The following PALM2AKAP2 variants were observed in gnomAD, a reference collection of about 807,000 sequenced individuals.
PALM2AKAP2 encodes the protein PALM2-AKAP2 fusion protein.
A neutral mutation model predicts 71.5 loss-of-function variants in PALM2AKAP2; 37 were observed. The ratio of observed to expected loss-of-function variants is 0.52; its 90% CI spans 0.40 to 0.68. The LOEUF is 0.68. Among genes scored for constraint, PALM2AKAP2 ranks in the 30% least tolerant of loss-of-function variants. The pLI, the probability that PALM2AKAP2 is intolerant of heterozygous loss-of-function variation, is 0.00. For missense variants in PALM2AKAP2, 1,224 were observed against 1,191.8 expected, an observed-to-expected ratio of 1.03 and a Z score of -0.40; for synonymous variants, 468 against 478.8, an observed-to-expected ratio of 0.98 and a Z score of 0.29.
chr9:109,709,595 G>T (rs987189073), intron 1 of PALM2AKAP2, among the ~76,000 whole-genome samples: 6 of 152,152 alleles, frequency 3.9e-5, no homozygotes, highest in African/African-American at 1.4e-4. Context: ...ACTTCACCAG[G>T]CTCTACTCCT....
intron 3 of PALM2AKAP2, among the ~76,000 whole-genome samples, chr9:110,164,528 CTTTT>C (rs35588802): frequency 0.2 from 25,923 of 129,196 alleles, 2,490 homozygotes; most frequent in African/African-American, 0.33. Context: ...ATTTAGTTTA[CTTTT>C]TTTTTTTTTT....
chr9:109,775,291 C>T (rs1331769895), upstream of PALM2AKAP2, among the ~76,000 whole-genome samples: 5 of 152,212 alleles, frequency 3.3e-5, no homozygotes, highest in Non-Finnish European at 5.9e-5. Context: ...TCCAATTGCT[C>T]ATTTTCAATC....
In PALM2AKAP2 at chr9:109,676,178, A is replaced by G. The variant is rs1051862370; in HGVS notation, c.5+35312A>G. 2.6e-5 allele frequency among the ~76,000 whole-genome samples: 4 copies of G among 152,180 alleles called. No homozygotes were observed. In the East Asian group the frequency reaches 7.7e-4, roughly 29 times the overall value. ...TAAAGAGGTAGAGCAAGAGTTCCTC[A>G]CTTCCTCACGCTCTGCTCCTTCATC... On this transcript the variant is annotated intron_variant, in intron 1 of 6. Transcript: ENST00000374531.
rs12238226 is a variant in PALM2AKAP2, at chr9:109,656,474, G to C, written c.5+15608G>C. Reference sequence around the variant, plus strand: ...CTAGGTCCCTTCCAGAGTTTTCAGGGGCTCCAAGTGAGGGGCCGTGGCTCT... The same window carrying C: ...CTAGGTCCCTTCCAGAGTTTTCAGGCGCTCCAAGTGAGGGGCCGTGGCTCT... On this transcript the variant is annotated intron_variant, in intron 1 of 6. Coordinates refer to the PALM2AKAP2 transcript ENST00000374531. Among the ~76,000 whole-genome samples, 1,375 of 152,320 alleles carry C rather than the reference G, an allele frequency of 9.0e-3. 59 individuals are homozygous for C. The East Asian group carries it at 0.11, about 12-fold the overall frequency.
intron 1 of PALM2AKAP2, among the ~76,000 whole-genome samples, chr9:109,770,929 A>C (rs7031682): frequency 0.84 from 127,547 of 152,272 alleles, 54,011 homozygotes; most frequent in African/African-American, 0.96. Context: ...ATACTATTGT[A>C]TTTCCCATTT....
chr9:109,640,952 G>T, intron 1 of PALM2AKAP2: 2 of 1,435,762 alleles, frequency 1.4e-6, no homozygotes, highest in South Asian at 1.4e-5. Context: ...TCCCGCTCGG[G>T]TCCGCGTCCA....
Position 110,094,663 on chromosome 9 carries a change from CGGGGCG to C in PALM2AKAP2, c.157-41459_157-41454del, listed in dbSNP as rs1296851356. On this transcript the variant is annotated intron_variant, in intron 1 of 3. Transcript: ENST00000374525. ...GAACTCTATTATCGGAATAGCACCA[CGGGGCG>C]GGGGGGCGGGTAATCTGCCCCCATG... Among the ~76,000 whole-genome samples the C allele has an allele frequency of 2.3e-4, 6 of 25,852 alleles. No homozygotes were observed. In the East Asian group the frequency reaches 4.8e-3, roughly 21 times the overall value. 17.0% of individuals were successfully genotyped at this position (25,852 alleles called of 152,430 possible).
intron 1 of PALM2AKAP2, among the ~76,000 whole-genome samples, chr9:109,729,400 A>G (rs1372219199): frequency 6.6e-6 from 1 of 152,236 alleles, no homozygotes; most frequent in Non-Finnish European, 1.5e-5. Context: ...TGGCCAGTAT[A>G]GCCAAAGGCA....
At chr9:109,845,913 A>G (rs1182318950) in intron 1 of PALM2AKAP2, among the ~76,000 whole-genome samples, 1 of 152,240 alleles carries the variant, frequency 6.6e-6, no homozygotes. Context: ...CATAAAGGAT[A>G]TAGAGCAGGA....
intron 6 of PALM2AKAP2, among the ~76,000 whole-genome samples, chr9:110,005,466 G>T (rs1344807259): frequency 2.6e-5 from 4 of 152,186 alleles, no homozygotes; most frequent in Non-Finnish European, 4.4e-5. Context: ...TAGGCTACTC[G>T]GGGGTCAGGG....
At chr9:109,641,287 C>T (rs1827065452) in intron 1 of PALM2AKAP2, among the ~76,000 whole-genome samples, 1 of 152,180 alleles carries the variant, frequency 6.6e-6, no homozygotes, top group South Asian at 2.1e-4. Context: ...CGGAAGCAAA[C>T]GCGGTTCAGT....
intron 6 of PALM2AKAP2, among the ~76,000 whole-genome samples, chr9:110,000,926 T>G (rs145802547): frequency 0.018 from 2,814 of 152,326 alleles, 97 homozygotes; most frequent in African/African-American, 0.064. Flanking sequence ...CTTCATCAGA[T>G]GAGTAGATTG....
chr9:109,890,406 G>A (rs1830060574), intron 3 of PALM2AKAP2, among the ~76,000 whole-genome samples: 1 of 152,186 alleles, frequency 6.6e-6, no homozygotes, highest in South Asian at 2.1e-4. Flanking sequence ...AGGTCTAGGC[G>A]TGGAGCCCTC....
intron 1 of PALM2AKAP2, among the ~76,000 whole-genome samples, chr9:109,672,243 C>T (rs570317128): frequency 8.5e-5 from 13 of 152,284 alleles, no homozygotes; most frequent in African/African-American, 3.1e-4. Flanking sequence ...GTGGGTTTGT[C>T]ATAGATGGCT....
At chr9:109,952,872 GTGT>G (rs1831670934) in intron 6 of PALM2AKAP2, among the ~76,000 whole-genome samples, 1 of 152,176 alleles carries the variant, frequency 6.6e-6, no homozygotes. Context: ...TTCATCCCTA[GTGT>G]TGTTGTGAAG....
intron 1 of PALM2AKAP2, among the ~76,000 whole-genome samples, chr9:109,721,237 C>T (rs187397964): frequency 1.0e-3 from 158 of 152,290 alleles, no homozygotes; most frequent in African/African-American, 3.5e-3. Context: ...TCCTAAGGAG[C>T]TGGGCATTTG....
chr9:110,047,900 C>T (rs1026147153), upstream of PALM2AKAP2, among the ~76,000 whole-genome samples: 8 of 152,274 alleles, frequency 5.3e-5, no homozygotes, highest in African/African-American at 1.9e-4. Context: ...TCAGACATCT[C>T]AAGAGTGAGG....
chr9:109,844,155 C>T (rs1828785826), intron 1 of PALM2AKAP2, among the ~76,000 whole-genome samples: 1 of 152,188 alleles, frequency 6.6e-6, no homozygotes. Flanking sequence ...TAAGTGCTTT[C>T]TGGAATTATT....
At chr9:109,948,098 T>C (rs1831552801) in intron 6 of PALM2AKAP2, among the ~76,000 whole-genome samples, 1 of 152,206 alleles carries the variant, frequency 6.6e-6, no homozygotes, top group South Asian at 2.1e-4. Flanking sequence ...CTTCTTCTGG[T>C]ATTACCAGGA....
Sources: gnomAD v4.1 joint callset for allele counts (sites outside exome capture counted in the v4.1 genomes callset) on GRCh38, gnomAD v4.1.1 for gene constraint, MANE v1.5 for transcripts, NCBI Gene and HGNC (gene_info 2026-07-23, HGNC 2026-07-21) for gene names.